Variants in SPAG17 observed in about 807,000 individuals in gnomAD.
SPAG17 encodes sperm associated antigen 17, also known as sperm-associated antigen 17.
Under a neutral mutation model 273.6 loss-of-function variants are expected in SPAG17, and 169 were observed. The ratio of observed to expected loss-of-function variants is 0.62; its 90% confidence interval spans 0.55 to 0.70. SPAG17 has a LOEUF of 0.70. Among genes scored for constraint, SPAG17 ranks in the 30% least tolerant of loss-of-function variants. SPAG17 has a pLI of 0.00. For synonymous variants in SPAG17, 825 were observed against 873.2 expected, an observed-to-expected ratio of 0.94 and a Z score of 0.97; for missense variants, 2,557 against 2,627.8, an observed-to-expected ratio of 0.97 and a Z score of 0.59.
chr1:118,065,479 C>G (rs1401534037), intron 18 of SPAG17, among the ~76,000 whole-genome samples: 1 of 152,072 alleles, frequency 6.6e-6, no homozygotes, highest in African/African-American at 2.4e-5. Context: ...AATCTCAATA[C>G]TAAAACCAAA....
At position 118,110,631 on chromosome 1, in the gene SPAG17, TAGCTC is replaced by T. The variant is rs779740650; in HGVS notation, c.447+4674_447+4678del. Among the ~76,000 whole-genome samples, 204 of 152,328 alleles carry T rather than the reference TAGCTC, an allele frequency of 1.3e-3. 4 individuals are homozygous for T. Among genetic ancestry groups the T allele is most frequent in the Middle Eastern group, 3.4e-3 (1 of 294 alleles). On this transcript the variant is annotated intron_variant, in intron 4 of 48. Coordinates refer to ENST00000336338, the MANE Select transcript of SPAG17 (RefSeq NM_206996.4). ...ATTTCCTTTGGAATCAGTGGCTGGT[TAGCTC>T]AGGGCATTCCTCCTTGGTGAGTTTT...
At chr1:118,036,246 G>T (rs773238764) in intron 24 of SPAG17, among the ~76,000 whole-genome samples, 2 of 151,490 alleles carry the variant, frequency 1.3e-5, no homozygotes, top group Non-Finnish European at 2.9e-5. Flanking sequence ...AAGGAAGTGG[G>T]GTACAGAAAT....
intron 48 of SPAG17, chr1:117,954,737 G>A: frequency 9.1e-7 from 1 of 1,101,156 alleles, no homozygotes; most frequent in South Asian, 1.5e-5. Flanking sequence ...GGAATACTTT[G>A]TCTTCAAAAG....
chr1:117,954,630 G>GGCAGTATATGGCAGTATATGGCTTATGGC lies in SPAG17; in HGVS notation c.*1-582_*1-581insGCCATAAGCCATATACTGCCATATACTGC, dbSNP rs1281550385. 14 of 1,611,790 alleles carry GGCAGTATATGGCAGTATATGGCTTATGGC rather than the reference G, an allele frequency of 8.7e-6. 1 individual carries two copies. Among genetic ancestry groups the GGCAGTATATGGCAGTATATGGCTTATGGC allele is most frequent in the Non-Finnish European group, 1.2e-5 (14 of 1,178,844 alleles). ...TAATGGCTTATGGCAGTATCTCAGTGAGTAAAATGTCTAACGGTTTTCCTT... is the reference window on the plus strand; with the variant it reads ...TAATGGCTTATGGCAGTATCTCAGTGGCAGTATATGGCAGTATATGGCTTATGGCAGTAAAATGTCTAACGGTTTTCCTT... On this transcript the variant is annotated intron_variant, in intron 48 of 48. Transcript: ENST00000336338.
chr1:117,984,043 A>C lies in SPAG17; in HGVS notation c.5770-130T>G, dbSNP rs1207869359. ...CTGAAAATAAAGTTTACAAACTAAA[A>C]TTCTACAAGAGACTGATTAACCCAA... On this transcript the variant is annotated intron_variant, in intron 41 of 48. Transcript: ENST00000336338. 5.6e-6 allele frequency: 3 copies of C among 531,100 alleles called. No individual in the cohort carries two copies. The East Asian group carries it at 8.5e-5, about 15-fold the overall frequency. 32.9% of individuals were successfully genotyped at this position (531,100 alleles called of 1,614,324 possible).
intron 4 of SPAG17, among the ~76,000 whole-genome samples, chr1:118,102,867 C>T (rs1159086117): frequency 6.6e-6 from 1 of 152,248 alleles, no homozygotes; most frequent in East Asian, 1.9e-4. Flanking sequence ...ACTTCCCCTA[C>T]ACTACTCCAT....
At chr1:118,166,170 T>C (rs1660163113) in intron 1 of SPAG17, among the ~76,000 whole-genome samples, 1 of 152,160 alleles carries the variant, frequency 6.6e-6, no homozygotes, top group African/African-American at 2.4e-5. Flanking sequence ...AGTGTTACAG[T>C]GTCTATGCCA....
At chr1:118,098,003 C>A in intron 6 of SPAG17, 152 bp from the exon 7 acceptor site, 1 of 456,852 alleles carries the variant, frequency 2.2e-6, no homozygotes, top group South Asian at 8.5e-5. Flanking sequence ...TTTTTGAAGT[C>A]GGAGTATACA....
intron 47 of SPAG17, chr1:117,964,283 A>G (rs1653519699): frequency 6.1e-6 from 1 of 164,758 alleles, no homozygotes; most frequent in East Asian, 1.6e-4. Context: ...CATTGTTGAC[A>G]CTGTAAGTAA....
At chr1:118,024,202 G>T (rs556424385) in intron 27 of SPAG17, among the ~76,000 whole-genome samples, 13 of 151,908 alleles carry the variant, frequency 8.6e-5, no homozygotes, top group Non-Finnish European at 1.6e-4. Flanking sequence ...TTATGTCTTT[G>T]ATTCTTTTCT....
chr1:118,146,885 T>C (rs1427541097), intron 3 of SPAG17, among the ~76,000 whole-genome samples: 1 of 152,170 alleles, frequency 6.6e-6, no homozygotes, highest in Admixed American at 6.6e-5. Flanking sequence ...ATGTAATATA[T>C]GTAAAAGATC....
intron 17 of SPAG17, among the ~76,000 whole-genome samples, chr1:118,070,850 T>C (rs1351605201): frequency 1.3e-5 from 2 of 152,138 alleles, no homozygotes; most frequent in East Asian, 3.9e-4. Context: ...CACATCTCAA[T>C]TTGGTCTAGA....
chr1:118,044,069 T>C (rs1244880751), intron 20 of SPAG17, among the ~76,000 whole-genome samples: 1 of 152,152 alleles, frequency 6.6e-6, no homozygotes, highest in African/African-American at 2.4e-5. Flanking sequence ...TAATATTATA[T>C]GCTTTATTAT....
intron 18 of SPAG17, among the ~76,000 whole-genome samples, chr1:118,066,063 T>A (rs1652929853): frequency 6.6e-6 from 1 of 152,154 alleles, no homozygotes; most frequent in Non-Finnish European, 1.5e-5. Context: ...TTTATGACTT[T>A]AAAATGTGTG....
At chr1:118,161,752 GTCTCGA>G (rs1659932399) in intron 1 of SPAG17, among the ~76,000 whole-genome samples, 2 of 152,126 alleles carry the variant, frequency 1.3e-5, no homozygotes, top group Non-Finnish European at 2.9e-5. Flanking sequence ...AGCCAGGATG[GTCTCGA>G]TCTCCTGACC....
intron 3 of SPAG17, among the ~76,000 whole-genome samples, chr1:118,148,486 C>T (rs1301356408): frequency 7.5e-6 from 1 of 133,956 alleles, no homozygotes; most frequent in Non-Finnish European, 1.7e-5. Flanking sequence ...TTACAGAGCG[C>T]TGATTGGTCC....
intron 18 of SPAG17, among the ~76,000 whole-genome samples, chr1:118,056,576 C>T (rs1446802072): frequency 6.6e-6 from 1 of 151,980 alleles, no homozygotes; most frequent in Non-Finnish European, 1.5e-5. Context: ...CTTATATGAA[C>T]GTCCAAAGAG....
chr1:118,136,799 GTA>G (rs1255860049), intron 3 of SPAG17, among the ~76,000 whole-genome samples: 14 of 100,826 alleles, frequency 1.4e-4, no homozygotes, highest in South Asian at 3.6e-4. Flanking sequence ...GTGTGTGTGT[GTA>G]TGTGTGTGTG....
chr1:118,045,771 C>T (rs112823093), intron 20 of SPAG17, among the ~76,000 whole-genome samples: 217 of 152,176 alleles, frequency 1.4e-3, no homozygotes, highest in African/African-American at 4.9e-3. Flanking sequence ...AGTTAATCTA[C>T]GAGGTCTGTG....
Sources: gnomAD v4.1 joint callset for allele counts (sites outside exome capture counted in the v4.1 genomes callset) on GRCh38, gnomAD v4.1.1 for gene constraint, MANE v1.5 for transcripts, NCBI Gene and HGNC (gene_info 2026-07-23, HGNC 2026-07-21) for gene names.